FRMPD2: variants seen among roughly 807,000 people sequenced by gnomAD.
FRMPD2 encodes FERM and PDZ domain containing 2, also known as FERM and PDZ domain-containing protein 2.
FRMPD2 carries 96 observed loss-of-function variants against 140.1 expected under a neutral mutation model. The observed-to-expected ratio is 0.69, with a 90% CI of 0.58 to 0.81. FRMPD2 has a LOEUF of 0.81. FRMPD2 is among the 40% of genes least tolerant of loss of function. The pLI, the probability that FRMPD2 is intolerant of heterozygous loss-of-function variation, is 0.00. For synonymous variants in FRMPD2, 449 were observed against 547.6 expected (o/e 0.82, Z 2.52); for missense variants, 1,240 against 1,447.4 (o/e 0.86, Z 2.32).
intron 1 of FRMPD2, among the ~76,000 whole-genome samples, chr10:48,263,526 C>A (rs1414735269): frequency 2.0e-5 from 3 of 151,988 alleles, no homozygotes; most frequent in Non-Finnish European, 4.4e-5. Flanking sequence ...GGATAATATG[C>A]CCACAAATGT....
In FRMPD2 at chr10:48,202,179, A is replaced by T. The variant is rs142915955; in HGVS notation, c.1798-795T>A. Among the ~76,000 whole-genome samples, 871 of 152,306 alleles carry T rather than the reference A, an allele frequency of 5.7e-3. 8 individuals are homozygous for T. Among genetic ancestry groups the T allele is most frequent in the African/African-American group, 0.02 (825 of 41,570 alleles). The stretch of plus-strand genomic sequence containing the variant: ...CAATAAAATATATAGGTGATATTAA[A>T]TATTAATTCATATAAAACTTCCAAA... On this transcript the variant is annotated intron_variant, in intron 14 of 28. Transcript: ENST00000374201.
intron 1 of FRMPD2, among the ~76,000 whole-genome samples, chr10:48,266,442 G>A (rs1261300993): frequency 6.6e-6 from 1 of 152,152 alleles, no homozygotes; most frequent in African/African-American, 2.4e-5. Flanking sequence ...AGAAAAAAGA[G>A]TTATTATAGG....
chr10:48,164,296 G>T (rs1377063023), intron 27 of FRMPD2, among the ~76,000 whole-genome samples: 1 of 151,226 alleles, frequency 6.6e-6, no homozygotes, highest in South Asian at 2.1e-4. Context: ...CTGTCTTTGA[G>T]CTATTTTACA....
Position 48,174,950 on chromosome 10 carries a change from G to A in FRMPD2, c.2995C>T (p.Arg999Ter), listed in dbSNP as rs1207107967. Residue 999 changes from arginine to a stop codon, truncating the protein, a stop_gained, in exon 24 of 29, where the codon CGA becomes TGA. Transcript: ENST00000374201. LOFTEE classifies it high-confidence loss of function. The part of the protein sequence containing the change: ...AKEGQILQGD[R>*]LLQVDGVILC... ...ATCACTCCATCCACCTGCAGGAGTCGGTCACCTGGGAAAGGGATAGATGTC... is the reference window on the plus strand; with the variant it reads ...ATCACTCCATCCACCTGCAGGAGTCAGTCACCTGGGAAAGGGATAGATGTC... 3.3e-5 allele frequency: 24 copies of A among 733,608 alleles called. No individual in the cohort carries two copies. Among genetic ancestry groups the A allele is most frequent in the South Asian group, 2.6e-4 (17 of 65,116 alleles). The allele number at this position is 733,608 out of a possible 1,614,324, so 45.4% of individuals were successfully genotyped here.
chr10:48,240,101 T>C lies in FRMPD2; in HGVS notation c.700+259A>G, dbSNP rs896871039. ...TTGTTGTTTGTTTCAATTTGGATTT[T>C]CTCAACTTGGACAGTTAGAACTCAT... On this transcript the variant is annotated intron_variant, in intron 6 of 28. Coordinates refer to ENST00000374201, the MANE Select transcript of FRMPD2 (RefSeq NM_001018071.4). Among the ~76,000 whole-genome samples the C allele has an allele frequency of 3.3e-5, 5 of 152,270 alleles. 1 individual carries two copies. Among genetic ancestry groups the C allele is most frequent in the Non-Finnish European group, 5.9e-5 (4 of 68,050 alleles).
chr10:48,228,708 T>C (rs1839781345), intron 10 of FRMPD2, among the ~76,000 whole-genome samples: 1 of 152,068 alleles, frequency 6.6e-6, no homozygotes, highest in Non-Finnish European at 1.5e-5. Flanking sequence ...CTAAATGTAA[T>C]TCTGTACACA....
intron 5 of FRMPD2, 144 bp from the exon 6 acceptor site, chr10:48,240,636 A>C: frequency 1.7e-6 from 2 of 1,166,390 alleles, no homozygotes; most frequent in Non-Finnish European, 2.4e-6. Flanking sequence ...TCTGGCACCC[A>C]GAATGTGCTC....
intron 1 of FRMPD2, among the ~76,000 whole-genome samples, chr10:48,269,603 G>A (rs767229114): frequency 3.3e-5 from 5 of 152,186 alleles, no homozygotes; most frequent in South Asian, 2.1e-4. Flanking sequence ...GGGCCAGGCC[G>A]TCCGTGGGTT....
At position 48,236,805 on chromosome 10, in the gene FRMPD2, G is replaced by A. The variant is rs989764171; in HGVS notation, c.922-252C>T. ...TAAGTTGGGTACAGGGGTGTTCGGGGTGAATTATAAGTTTCATAATTTACA... is the reference window on the plus strand; with the variant it reads ...TAAGTTGGGTACAGGGGTGTTCGGGATGAATTATAAGTTTCATAATTTACA... On this transcript the variant is annotated intron_variant, in intron 8 of 28. Coordinates refer to ENST00000374201, the MANE Select transcript of FRMPD2 (RefSeq NM_001018071.4). 4.6e-5 allele frequency among the ~76,000 whole-genome samples: 7 copies of A among 152,234 alleles called. No individual in the cohort carries two copies. In the South Asian group the frequency reaches 1.2e-3, roughly 27 times the overall value.
At chr10:48,211,204 T>C (rs1252922678) in intron 13 of FRMPD2, among the ~76,000 whole-genome samples, 7 of 152,148 alleles carry the variant, frequency 4.6e-5, no homozygotes, top group South Asian at 4.1e-4. Flanking sequence ...CAAGGGGAGA[T>C]TGTGGAGTAG....
chr10:48,262,305 T>C (rs977567745), intron 1 of FRMPD2, among the ~76,000 whole-genome samples: 1 of 152,206 alleles, frequency 6.6e-6, no homozygotes, highest in Non-Finnish European at 1.5e-5. Context: ...TAGACAGATA[T>C]ACTATGCTAA....
rs374495446 is a variant in FRMPD2, at chr10:48,240,415, C to T, written c.645G>A (p.Gly215=). ...GTGCCGCTGGGCTCTCGCTGCTTGT[C>T]CCACGCAGCCTCTTCCTGAGCAGGT... is the stretch of plus-strand genomic sequence containing the variant. ...RSYLLRKRLR[G]TSSESPAAQA... Residue 215 remains glycine, a synonymous_variant, in exon 6 of 29, where the codon GGG becomes GGA. Transcript: ENST00000374201. 1.2e-6 allele frequency: 2 copies of T among 1,613,400 alleles called. No homozygotes were observed. Among genetic ancestry groups the T allele is most frequent in the Non-Finnish European group, 1.7e-6 (2 of 1,180,032 alleles).
At chr10:48,237,517 C>T (rs914770800) in intron 8 of FRMPD2, among the ~76,000 whole-genome samples, 1 of 152,122 alleles carries the variant, frequency 6.6e-6, no homozygotes, top group Non-Finnish European at 1.5e-5. Context: ...CTAACTTTGA[C>T]AGACAGACAG....
chr10:48,268,251 G>A (rs1048728195), intron 1 of FRMPD2, among the ~76,000 whole-genome samples: 2 of 152,176 alleles, frequency 1.3e-5, no homozygotes, highest in African/African-American at 2.4e-5. Flanking sequence ...TGAGGATACA[G>A]AGAAACTGGA....
At chr10:48,227,998 T>C (rs1839765349) in intron 10 of FRMPD2, among the ~76,000 whole-genome samples, 1 of 152,168 alleles carries the variant, frequency 6.6e-6, no homozygotes, top group Admixed American at 6.5e-5. Flanking sequence ...GATGGTAAAA[T>C]TGTAAATGTA....
chr10:48,213,111 G>T (rs1393956924), intron 12 of FRMPD2, among the ~76,000 whole-genome samples: 1 of 152,150 alleles, frequency 6.6e-6, no homozygotes, highest in Non-Finnish European at 1.5e-5. Flanking sequence ...CCTGAGTGGG[G>T]TATCTGAAGA....
chr10:48,230,952 T>C (rs1395378091), intron 10 of FRMPD2, among the ~76,000 whole-genome samples: 4 of 152,164 alleles, frequency 2.6e-5, no homozygotes, highest in East Asian at 1.9e-4. Context: ...CCAACACCTA[T>C]GAAACAGAAC....
intron 21 of FRMPD2, among the ~76,000 whole-genome samples, chr10:48,179,710 A>G (rs539550212): frequency 6.6e-6 from 1 of 152,136 alleles, no homozygotes; most frequent in South Asian, 2.1e-4. Flanking sequence ...TTTATCCCCG[A>G]CACTGGGCAT....
At position 48,210,699 on chromosome 10, in the gene FRMPD2, G is replaced by A. The variant is rs931925976; in HGVS notation, c.1611+1255C>T. ...CTATGGAGTGCCCTGATCATGCTTC[G>A]CCAGTGCTTCTCAAATGAAACGCTT... On this transcript the variant is annotated intron_variant, in intron 13 of 28. Coordinates refer to ENST00000374201, the MANE Select transcript of FRMPD2 (RefSeq NM_001018071.4). Among the ~76,000 whole-genome samples, 6 of 152,180 alleles carry A rather than the reference G, an allele frequency of 3.9e-5. No individual in the cohort carries two copies. In the South Asian group the frequency reaches 6.2e-4, roughly 16 times the overall value.
Sources: gnomAD v4.1 joint callset for allele counts (sites outside exome capture counted in the v4.1 genomes callset) on GRCh38, gnomAD v4.1.1 for gene constraint, MANE v1.5 for transcripts, NCBI Gene and HGNC (gene_info 2026-07-23, HGNC 2026-07-21) for gene names.